The following NCKAP1 variants were observed in gnomAD, a reference collection of about 807,000 sequenced individuals.
NCKAP1 encodes NCK associated protein 1, also known as nck-associated protein 1.
Under a neutral mutation model 151.2 loss-of-function variants are expected in NCKAP1, and 21 were observed. The ratio of observed to expected loss-of-function variants is 0.14; its 90% CI spans 0.10 to 0.20. NCKAP1 has a LOEUF of 0.20. NCKAP1 is among the 10% of genes least tolerant of loss of function. NCKAP1 has a pLI of 1.00. For synonymous variants in NCKAP1, 484 were observed against 451.8 expected, an observed-to-expected ratio of 1.07 and a Z score of -0.90; for missense variants, 933 against 1,352.1, an observed-to-expected ratio of 0.69 and a Z score of 4.86.
Position 183,038,248 on chromosome 2 carries a change from C to G in NCKAP1, c.-149G>C. 2.1e-6 allele frequency: 1 copy of G among 468,108 alleles called. No individual in the cohort carries two copies. The highest frequency in any genetic ancestry group is 3.6e-6 in the Non-Finnish European group (1 of 277,208). The allele number at this position is 468,108 out of a possible 1,614,324, so 29.0% of individuals were successfully genotyped here. On this transcript the variant is annotated 5_prime_UTR_variant, in exon 1 of 31. Transcript: ENST00000361354. The stretch of plus-strand genomic sequence containing the variant: ...GCCCATGGCCCTCGCGCCCCAATCC[C>G]GCGCCGGCGACAGAGCGAGCCGCGG...
intron 18 of NCKAP1, among the ~76,000 whole-genome samples, chr2:182,960,466 A>G (rs1697423221): frequency 6.6e-6 from 1 of 152,234 alleles, no homozygotes; most frequent in Admixed American, 6.5e-5. Context: ...AACCTGAGAA[A>G]AACAAGCAAT....
chr2:182,939,289 G>A (rs1323543956), intron 24 of NCKAP1, among the ~76,000 whole-genome samples: 1 of 152,108 alleles, frequency 6.6e-6, no homozygotes, highest in Non-Finnish European at 1.5e-5. Context: ...CAACACTCTA[G>A]GAGGTCGAGG....
At chr2:183,004,630 T>C (rs958046932) in intron 2 of NCKAP1, among the ~76,000 whole-genome samples, 19 of 151,900 alleles carry the variant, frequency 1.3e-4, no homozygotes, top group African/African-American at 4.6e-4. Flanking sequence ...AAGCCTGTAA[T>C]CCCAGCACTT....
chr2:182,962,238 A>G lies in NCKAP1; in HGVS notation c.1802T>C (p.Met601Thr). 6.2e-7 allele frequency: 1 copy of G among 1,611,234 alleles called. No individual in the cohort carries two copies. The highest frequency in any genetic ancestry group is 1.1e-5 in the South Asian group (1 of 90,908). Residue 601 changes from methionine (M) to threonine (T), a missense_variant, in exon 18 of 31, where the codon ATG becomes ACG. This residue lies in a region of NCKAP1 where 607 missense variants were observed against 795.0 expected (regional missense o/e 0.76). Transcript: ENST00000361354. ...IGDRSLSLCN[M>T]FLDEMAKQAR... Reference sequence around the variant, plus strand: ...TTGTTTGGCCATTTCATCTAGGAACATATTACATAAGGAAAGACTGCGATC... The same window carrying G: ...TTGTTTGGCCATTTCATCTAGGAACGTATTACATAAGGAAAGACTGCGATC...
intron 2 of NCKAP1, among the ~76,000 whole-genome samples, chr2:183,004,627 T>C (rs1432222743): frequency 2.0e-5 from 3 of 152,024 alleles, no homozygotes; most frequent in African/African-American, 7.2e-5. Flanking sequence ...CTCAAGCCTG[T>C]AATCCCAGCA....
At chr2:183,016,629 C>T (rs1463765531) in intron 2 of NCKAP1, among the ~76,000 whole-genome samples, 1 of 152,180 alleles carries the variant, frequency 6.6e-6, no homozygotes, top group Non-Finnish European at 1.5e-5. Context: ...CATTATTTTA[C>T]AGTAAGGTGA....
chr2:183,007,125 G>A (rs1048308395), intron 2 of NCKAP1, among the ~76,000 whole-genome samples: 2 of 152,026 alleles, frequency 1.3e-5, no homozygotes, highest in East Asian at 1.9e-4. Flanking sequence ...CTCCCGCCTC[G>A]GCCTCCCAAA....
chr2:183,012,570 CTCCTA>C lies in NCKAP1; in HGVS notation c.220-9250_220-9246del, dbSNP rs370789411. On this transcript the variant is annotated intron_variant, in intron 2 of 30. Coordinates refer to ENST00000361354, the MANE Select transcript of NCKAP1 (RefSeq NM_013436.5). ...ACAAATTCTTTCAACACAGAGGGAC[CTCCTA>C]TCCATTCACTCTACCATCTTTTTAC... is the stretch of plus-strand genomic sequence containing the variant. Among the ~76,000 whole-genome samples the C allele has an allele frequency of 3.7e-3, 568 of 151,754 alleles. 4 individuals carry two copies. Among genetic ancestry groups the C allele is most frequent in the East Asian group, 0.014 (72 of 5,162 alleles).
chr2:182,956,728 A>C, intron 19 of NCKAP1, 135 bp from the exon 20 acceptor site: 1 of 879,694 alleles, frequency 1.1e-6, no homozygotes, highest in Non-Finnish European at 1.6e-6. Flanking sequence ...AAACTGAGAA[A>C]GTTCAAAATC....
intron 18 of NCKAP1, among the ~76,000 whole-genome samples, chr2:182,960,551 C>G (rs926211530): frequency 6.6e-6 from 1 of 152,150 alleles, no homozygotes; most frequent in African/African-American, 2.4e-5. Context: ...GAAACTGGAT[C>G]CCTTCCTTAC....
chr2:182,953,742 G>A (rs1405707275), intron 20 of NCKAP1, among the ~76,000 whole-genome samples: 3 of 152,042 alleles, frequency 2.0e-5, no homozygotes, highest in Non-Finnish European at 4.4e-5. Context: ...AGGTTGCAGT[G>A]AGCTGAGATT....
In NCKAP1 at chr2:182,986,178, A is replaced by G; in HGVS notation, c.997T>C (p.Ser333Pro). ...TAAAATAAAACTACTCACGCATGTG[A>G]CACGGCTGCCTCCTTGCATTCTCTT... The part of the protein sequence containing the change: ...DIRECKEAAV[S>P]HAGSMHRERR... Residue 333 changes from serine (S) to proline (P), a missense_variant, in exon 10 of 31, where the codon TCA (serine) becomes CCA (proline). Coordinates refer to ENST00000361354, the MANE Select transcript of NCKAP1 (RefSeq NM_013436.5). 6.2e-7 allele frequency: 1 copy of G among 1,613,706 alleles called. No individual in the cohort carries two copies. The highest frequency in any genetic ancestry group is 8.5e-7 in the Non-Finnish European group (1 of 1,179,750).
intron 15 of NCKAP1, among the ~76,000 whole-genome samples, chr2:182,975,112 A>G (rs370978740): frequency 6.6e-6 from 1 of 152,322 alleles, no homozygotes; most frequent in African/African-American, 2.4e-5. Context: ...AATGACTTTC[A>G]AAGTTTTAAA....
In NCKAP1 at chr2:182,924,215, T is replaced by C. The variant is rs936181549; in HGVS notation, c.*1487A>G. 1.3e-5 allele frequency: 2 copies of C among 152,182 alleles called. No homozygotes were observed. The highest frequency in any genetic ancestry group is 2.9e-5 in the Non-Finnish European group (2 of 68,012). 9.4% of individuals were successfully genotyped at this position (152,182 alleles called of 1,614,324 possible). ...CTACTTTAAATATAGGCTGGACAAA[T>C]CATACACAAAATAATAGCATAATCT... On this transcript the variant is annotated 3_prime_UTR_variant, in exon 31 of 31. Transcript: ENST00000361354.
In NCKAP1 at chr2:182,909,773, G is replaced by A. The variant is rs915489211; in HGVS notation, c.*15929C>T. ...ATTTTCTGTGCTCCATTTTGAATTT[G>A]ATTTGTAGTTCTCAGAATAGAACAG... On this transcript the variant is annotated 3_prime_UTR_variant, in exon 31 of 31. Transcript: ENST00000361354. 1.3e-5 allele frequency: 2 copies of A among 152,174 alleles called. No homozygotes were observed. The highest frequency in any genetic ancestry group is 2.9e-5 in the Non-Finnish European group (2 of 68,032). The allele number at this position is 152,174 out of a possible 1,614,324, so 9.4% of individuals were successfully genotyped here.
chr2:183,034,825 A>T (rs1377567519), intron 1 of NCKAP1, among the ~76,000 whole-genome samples: 1 of 152,150 alleles, frequency 6.6e-6, no homozygotes, highest in African/African-American at 2.4e-5. Flanking sequence ...AAAATCATAA[A>T]GATAGAGCTG....
chr2:182,962,389 T>C (rs1697473721), intron 17 of NCKAP1, 111 bp from the exon 18 acceptor site: 1 of 1,048,034 alleles, frequency 9.5e-7, no homozygotes, highest in South Asian at 2.0e-5. Flanking sequence ...TCCGCAATAG[T>C]GAGGGTGGGA....
intron 1 of NCKAP1, among the ~76,000 whole-genome samples, chr2:183,027,263 T>C (rs1295724491): frequency 6.6e-6 from 1 of 152,236 alleles, no homozygotes; most frequent in African/African-American, 2.4e-5. Flanking sequence ...AAAAAGTTTT[T>C]ATGTTCACTA....
chr2:183,013,035 T>C (rs1698618345), intron 2 of NCKAP1, among the ~76,000 whole-genome samples: 1 of 152,130 alleles, frequency 6.6e-6, no homozygotes, highest in Admixed American at 6.5e-5. Flanking sequence ...CAGAAAAGCA[T>C]ATACTTTGCT....
Sources: gnomAD v4.1 joint callset for allele counts (sites outside exome capture counted in the v4.1 genomes callset) on GRCh38, gnomAD v4.1.1 for gene constraint, gnomAD v4.1.1 regional missense constraint, MANE v1.5 for transcripts, NCBI Gene and HGNC (gene_info 2026-07-23, HGNC 2026-07-21) for gene names.